Variants in BDP1 observed in about 807,000 individuals in gnomAD.
BDP1 encodes transcription factor TFIIIB component B'' homolog.
BDP1 carries 169 observed loss-of-function variants against 266.6 expected under a neutral mutation model. That is an observed-to-expected ratio of 0.63 (90% CI 0.56 to 0.72). BDP1 has a LOEUF of 0.72. Among genes scored for constraint, BDP1 ranks in the 30% least tolerant of loss-of-function variants. The pLI, the probability that BDP1 is intolerant of heterozygous loss-of-function variation, is 0.00. For missense variants in BDP1, 3,015 were observed against 3,053.8 expected (o/e 0.99, Z 0.30); for synonymous variants, 1,090 against 1,022.4 (o/e 1.07, Z -1.26).
At chr5:71,575,097 C>T in the BDP1 span, among the ~76,000 whole-genome samples, 2 of 152,180 alleles carry the variant, frequency 1.3e-5, no homozygotes, top group African/African-American at 4.8e-5. Flanking sequence ...GTCGCAAATA[C>T]AGCTATCAAT....
At chr5:71,536,957 T>C (rs928149794) in intron 26 of BDP1, among the ~76,000 whole-genome samples, 3 of 151,360 alleles carry the variant, frequency 2.0e-5, no homozygotes, top group African/African-American at 7.3e-5. Context: ...TGAAACCCCG[T>C]CTCTACTAAA....
intron 11 of BDP1, among the ~76,000 whole-genome samples, chr5:71,493,029 C>T (rs1287492497): frequency 6.6e-6 from 1 of 152,114 alleles, no homozygotes; most frequent in Non-Finnish European, 1.5e-5. Flanking sequence ...TTAATCAGGA[C>T]CAGACTTGCT....
downstream of BDP1, among the ~76,000 whole-genome samples, chr5:71,569,355 G>T (rs1204690149): frequency 6.6e-6 from 1 of 152,168 alleles, no homozygotes; most frequent in Non-Finnish European, 1.5e-5. Flanking sequence ...GAGAGGCTGA[G>T]GCAGGAAGAT....
chr5:71,478,017 G>A (rs1209517565), intron 7 of BDP1, among the ~76,000 whole-genome samples: 1 of 152,204 alleles, frequency 6.6e-6, no homozygotes, highest in Non-Finnish European at 1.5e-5. Context: ...TTGGGAGGCC[G>A]AGGCAGGCGG....
rs372953934 is a variant in BDP1, at chr5:71,548,750, G to A, written c.6808+5G>A. On this transcript the variant is annotated splice_donor_5th_base_variant and intron_variant, in intron 33 of 38. Transcript: ENST00000358731. ...TCAATCCTCAAGACCTAACAGGTAT[G>A]ATAATATGCTTCAGTGACATGTCAT... 7.6e-6 allele frequency: 12 copies of A among 1,574,884 alleles called. No individual in the cohort carries two copies. The highest frequency in any genetic ancestry group is 9.6e-6 in the Non-Finnish European group (11 of 1,146,804).
In BDP1 at chr5:71,561,389, G is replaced by T. The variant is rs200676174; in HGVS notation, c.7497-885G>T. On this transcript the variant is annotated intron_variant, in intron 37 of 38. Coordinates refer to ENST00000358731, the MANE Select transcript of BDP1 (RefSeq NM_018429.3). ...GCACTCCAGCCTGGGCAACAAGAGCGAAACTGTCTCAAAAAATAAATTAAA... is the reference window on the plus strand; with the variant it reads ...GCACTCCAGCCTGGGCAACAAGAGCTAAACTGTCTCAAAAAATAAATTAAA... 6.6e-5 allele frequency among the ~76,000 whole-genome samples: 10 copies of T among 152,292 alleles called. No homozygotes were observed. In the East Asian group the frequency reaches 1.9e-3, roughly 29 times the overall value.
In BDP1 at chr5:71,510,716, G is replaced by A. The variant is rs369967389; in HGVS notation, c.3624G>A (p.Ser1208=). The A allele has an allele frequency of 2.5e-5, 40 of 1,607,544 alleles. No individual in the cohort carries two copies. Among genetic ancestry groups the A allele is most frequent in the Admixed American group, 3.4e-5 (2 of 59,386 alleles). The part of the protein sequence containing the change: ...TDLEETEREI[S]PQENGPEEVK... Reference sequence around the variant, plus strand: ...TGGAAGAAACTGAAAGAGAAATATCGCCACAGGAAAATGGCCCAGAGGAGG... The same window carrying A: ...TGGAAGAAACTGAAAGAGAAATATCACCACAGGAAAATGGCCCAGAGGAGG... The change falls in exon 17 of 39, where the codon TCG becomes TCA. Residue 1208 remains serine (S), a synonymous_variant. Coordinates refer to ENST00000358731, the MANE Select transcript of BDP1 (RefSeq NM_018429.3).
intron 7 of BDP1, among the ~76,000 whole-genome samples, chr5:71,474,149 T>G (rs1169593824): frequency 6.6e-6 from 1 of 151,178 alleles, no homozygotes; most frequent in Non-Finnish European, 1.5e-5. Flanking sequence ...CCAGCTAATT[T>G]TTTTGTATTT....
intron 7 of BDP1, among the ~76,000 whole-genome samples, chr5:71,473,832 C>T (rs1762424363): frequency 7.1e-6 from 1 of 140,328 alleles, no homozygotes; most frequent in Admixed American, 7.4e-5. Flanking sequence ...CTCCGCCCTC[C>T]CCCCACCCCA....
chr5:71,537,903 C>G (rs1216442970), intron 26 of BDP1: 6 of 153,590 alleles, frequency 3.9e-5, no homozygotes, highest in African/African-American at 1.4e-4. Flanking sequence ...TGAGAGCCTT[C>G]TCAAAGCTGG....
At chr5:71,466,032 G>A (rs1761885839) in intron 4 of BDP1, 64 bp from the exon 5 acceptor site, 2 of 1,533,950 alleles carry the variant, frequency 1.3e-6, no homozygotes, top group Non-Finnish European at 1.8e-6. Flanking sequence ...TTTATTTTAA[G>A]TTTTATACTA....
intron 7 of BDP1, among the ~76,000 whole-genome samples, chr5:71,477,834 G>A (rs1194264122): frequency 6.6e-6 from 1 of 151,634 alleles, no homozygotes; most frequent in Non-Finnish European, 1.5e-5. Context: ...CGCCCAGGCT[G>A]GTCTCAAACT....
chr5:71,525,636 G>T (rs1317046084), intron 25 of BDP1, among the ~76,000 whole-genome samples: 5 of 131,726 alleles, frequency 3.8e-5, no homozygotes, highest in African/African-American at 8.3e-5. Flanking sequence ...CCGGGCGGGG[G>T]GCTGACCCCC....
Position 71,565,406 on chromosome 5 carries a change from C to T in BDP1, c.*521C>T, listed in dbSNP as rs1561799020. Reference sequence around the variant, plus strand: ...TGGACCACATATATTACAGTGGTCCCATGCAATTAAAATGGAGATAAATTC... The same window carrying T: ...TGGACCACATATATTACAGTGGTCCTATGCAATTAAAATGGAGATAAATTC... On this transcript the variant is annotated 3_prime_UTR_variant, in exon 39 of 39. Transcript: ENST00000358731. The T allele has an allele frequency of 6.6e-6, 1 of 152,382 alleles. No homozygotes were observed. The highest frequency in any genetic ancestry group is 2.4e-5 in the African/African-American group (1 of 41,434). 9.4% of individuals were successfully genotyped at this position (152,382 alleles called of 1,614,324 possible).
chr5:71,478,340 A>G (rs933148223), intron 7 of BDP1, among the ~76,000 whole-genome samples: 2 of 152,222 alleles, frequency 1.3e-5, no homozygotes, highest in African/African-American at 2.4e-5. Context: ...AAGGAAATCA[A>G]GTAGAAAAAA....
At position 71,497,314 on chromosome 5, in the gene BDP1, G is replaced by C. The variant is rs764898261; in HGVS notation, c.1844G>C (p.Arg615Pro). 1 of 1,613,730 alleles carries C rather than the reference G, an allele frequency of 6.2e-7. No individual in the cohort carries two copies. Among genetic ancestry groups the C allele is most frequent in the Admixed American group, 1.7e-5 (1 of 60,008 alleles). Residue 615 changes from arginine (R) to proline (P), a missense_variant, in exon 13 of 39, where the codon CGC (arginine) becomes CCC (proline). Arg to Pro is a moderately radical substitution (Grantham distance 103, BLOSUM62 -2). Coordinates refer to ENST00000358731, the MANE Select transcript of BDP1 (RefSeq NM_018429.3). The stretch of plus-strand genomic sequence containing the variant: ...AATGTTAAACCAATGTTGAGAGGTC[G>C]CTTCCAAAGACCTAAACCCAATTTG... Reference protein sequence around the residue: ...TENVKPMLRGRFQRPKPNLSR... With the variant: ...TENVKPMLRGPFQRPKPNLSR...
At chr5:71,576,818 C>G in the BDP1 span, among the ~76,000 whole-genome samples, 1 of 152,148 alleles carries the variant, frequency 6.6e-6, no homozygotes, top group African/African-American at 2.4e-5. Flanking sequence ...CCCGCCTCTT[C>G]CTCAGTGGCA....
chr5:71,479,233 G>A (rs767099794), intron 7 of BDP1, among the ~76,000 whole-genome samples: 1 of 151,658 alleles, frequency 6.6e-6, no homozygotes, highest in Non-Finnish European at 1.5e-5. Context: ...AGTAGAGACG[G>A]GGTTTCACTA....
chr5:71,576,615 A>T, the BDP1 span, among the ~76,000 whole-genome samples: 1 of 152,226 alleles, frequency 6.6e-6, no homozygotes, highest in African/African-American at 2.4e-5. Context: ...CTGGCTAGAA[A>T]ACAATCTATG....
Sources: gnomAD v4.1 joint callset for allele counts (sites outside exome capture counted in the v4.1 genomes callset) on GRCh38, gnomAD v4.1.1 for gene constraint, MANE v1.5 for transcripts, NCBI Gene and HGNC (gene_info 2026-07-23, HGNC 2026-07-21) for gene names.